ZNF536: variants seen among roughly 807,000 people sequenced by gnomAD.
ZNF536 encodes the protein zinc finger protein 536.
Under a neutral mutation model 84.5 loss-of-function variants are expected in ZNF536, and 13 were observed. The observed-to-expected ratio is 0.15, with a 90% CI of 0.10 to 0.24. The LOEUF (loss-of-function observed/expected upper bound fraction) is 0.24, where lower values mean the gene tolerates loss of function less well. Ranked by LOEUF, ZNF536 falls within the 10% of genes least tolerant of loss-of-function variation. The probability of loss-of-function intolerance (pLI) is 1.00; values close to 1 mark genes in which losing one functional copy is unlikely to be tolerated. For missense variants in ZNF536, 1,536 were observed against 1,747.5 expected, an observed-to-expected ratio of 0.88 and a Z score of 2.16; for synonymous variants, 811 against 742.5, an observed-to-expected ratio of 1.09 and a Z score of -1.50.
intron 2 of ZNF536, among the ~76,000 whole-genome samples, chr19:30,339,551 G>A (rs945633697): frequency 2.0e-5 from 3 of 152,090 alleles, no homozygotes; most frequent in Non-Finnish European, 2.9e-5. Flanking sequence ...GCCTACCCTC[G>A]GGCAGAGCTC....
rs188707295 is a variant in ZNF536 at position 30,480,630 on chromosome 19, A to G, written c.2170+34898A>G. On this transcript the variant is annotated intron_variant, in intron 2 of 4. Transcript: ENST00000355537. Reference sequence around the variant, plus strand: ...CTTAAAACCTAGATGACGGATTGATAGGTGCAGCAAACCACCATGGCACAT... The same window carrying G: ...CTTAAAACCTAGATGACGGATTGATGGGTGCAGCAAACCACCATGGCACAT... 3.2e-4 allele frequency among the ~76,000 whole-genome samples: 48 copies of G among 152,308 alleles called. No homozygotes were observed. In the East Asian group the frequency reaches 9.1e-3, roughly 29 times the overall value.
chr19:30,543,801 T>A (rs1283370935), intron 3 of ZNF536, among the ~76,000 whole-genome samples: 1 of 152,140 alleles, frequency 6.6e-6, no homozygotes, highest in East Asian at 1.9e-4. Flanking sequence ...CACTCTGAAA[T>A]GGGCCCTCTG....
intron 2 of ZNF536, among the ~76,000 whole-genome samples, chr19:30,446,046 G>A (rs2052318251): frequency 6.6e-6 from 1 of 151,956 alleles, no homozygotes; most frequent in African/African-American, 2.4e-5. Flanking sequence ...CCAGGGATTC[G>A]AGGCCAGCCT....
intron 1 of ZNF536, among the ~76,000 whole-genome samples, chr19:30,383,776 C>CTTTCTTTCT (rs2049159536): frequency 1.6e-5 from 1 of 61,582 alleles, no homozygotes; most frequent in East Asian, 3.3e-4. Flanking sequence ...TCTTTCTTTT[C>CTTTCTTTCT]TTTCTTTCTT....
intron 2 of ZNF536, among the ~76,000 whole-genome samples, chr19:30,463,250 C>A (rs2053237823): frequency 6.6e-6 from 1 of 152,156 alleles, no homozygotes; most frequent in African/African-American, 2.4e-5. Flanking sequence ...GGAGAGGTAT[C>A]TGGGTTCTGA....
intron 1 of ZNF536, among the ~76,000 whole-genome samples, chr19:30,675,175 A>G (rs1268056934): frequency 2.0e-5 from 3 of 152,178 alleles, no homozygotes; most frequent in East Asian, 1.9e-4. Flanking sequence ...GGAACTGGAT[A>G]TGCCATTTAG....
intron 1 of ZNF536, among the ~76,000 whole-genome samples, chr19:30,378,634 C>A (rs2048903923): frequency 6.6e-6 from 1 of 152,188 alleles, no homozygotes; most frequent in South Asian, 2.1e-4. Context: ...GCCTTAGACC[C>A]AACTGCATCT....
chr19:30,390,588 C>G (rs973563262), intron 1 of ZNF536, among the ~76,000 whole-genome samples: 1 of 152,194 alleles, frequency 6.6e-6, no homozygotes, highest in Admixed American at 6.5e-5. Context: ...CACATTCTGC[C>G]GGAGAGCTGG....
intron 2 of ZNF536, among the ~76,000 whole-genome samples, chr19:30,459,236 ATTT>A (rs35590599): frequency 1.5e-5 from 2 of 136,248 alleles, no homozygotes; most frequent in African/African-American, 2.6e-5. Context: ...TATCATTTTC[ATTT>A]TTTTTTTTTT....
At chr19:30,234,777 G>A (rs553257453) in intron 1 of ZNF536, among the ~76,000 whole-genome samples, 75 of 148,008 alleles carry the variant, frequency 5.1e-4, no homozygotes, top group East Asian at 3.0e-3. Context: ...ACACACACGC[G>A]CACACGCACC....
chr19:30,588,161 G>T (rs920700698), intron 1 of ZNF536, among the ~76,000 whole-genome samples: 1 of 152,176 alleles, frequency 6.6e-6, no homozygotes, highest in African/African-American at 2.4e-5. Flanking sequence ...ATTGTTAGGC[G>T]CTGATCTTTA....
intron 1 of ZNF536, among the ~76,000 whole-genome samples, chr19:30,442,831 A>AT (rs2052117598): frequency 6.6e-6 from 1 of 152,210 alleles, no homozygotes; most frequent in South Asian, 2.1e-4. Flanking sequence ...ACACTGAAGG[A>AT]TTTTTATGAT....
exon 2 of ZNF536, chr19:30,712,875 G>T (rs2052492880): frequency 6.7e-6 from 1 of 149,720 alleles, no homozygotes; most frequent in African/African-American, 2.5e-5. Flanking sequence ...GACTGTGCCA[G>T]TCCCTTGCTT....
intron 1 of ZNF536, among the ~76,000 whole-genome samples, chr19:30,422,831 A>G (rs2051022770): frequency 8.0e-6 from 1 of 125,060 alleles, no homozygotes; most frequent in Non-Finnish European, 1.6e-5. Flanking sequence ...CTGCCTATCT[A>G]CACATTCATC....
At chr19:30,376,141 C>A (rs117634245) in intron 1 of ZNF536, among the ~76,000 whole-genome samples, 1 of 152,106 alleles carries the variant, frequency 6.6e-6, no homozygotes, top group Non-Finnish European at 1.5e-5. Flanking sequence ...CCTCTAGTGG[C>A]TCCATGGGTA....
At chr19:30,287,710 GTGGA>G (rs1177839566) in intron 2 of ZNF536, among the ~76,000 whole-genome samples, 1 of 71,938 alleles carries the variant, frequency 1.4e-5, no homozygotes, top group Non-Finnish European at 2.7e-5. Context: ...GGATGGATGA[GTGGA>G]TGGATGGGTG....
intron 1 of ZNF536, among the ~76,000 whole-genome samples, chr19:30,586,550 C>CCTT (rs1327100419): frequency 6.6e-6 from 1 of 152,152 alleles, no homozygotes; most frequent in Admixed American, 6.5e-5. Flanking sequence ...CTTCCTTTCC[C>CCTT]CTTCTGGTAC....
chr19:30,591,341 G>A (rs768032716), intron 1 of ZNF536, among the ~76,000 whole-genome samples: 3 of 152,134 alleles, frequency 2.0e-5, no homozygotes, highest in Non-Finnish European at 2.9e-5. Context: ...AATTTATAAA[G>A]GCAAGAGGTT....
chr19:30,272,557 A>G (rs2025910916), intron 1 of ZNF536, among the ~76,000 whole-genome samples: 1 of 152,140 alleles, frequency 6.6e-6, no homozygotes, highest in Admixed American at 6.5e-5. Flanking sequence ...TGCCCTAAAA[A>G]TCCCCTGAGC....
Sources: gnomAD v4.1 joint callset for allele counts (sites outside exome capture counted in the v4.1 genomes callset) on GRCh38, gnomAD v4.1.1 for gene constraint, MANE v1.5 for transcripts, NCBI Gene and HGNC (gene_info 2026-07-23, HGNC 2026-07-21) for gene names.